Variants in RPTOR observed in about 807,000 individuals in gnomAD.
RPTOR encodes the protein regulatory associated protein of MTOR complex 1.
In RPTOR, 21 loss-of-function variants were observed where a neutral mutation model predicts 169.9. That is an observed-to-expected ratio of 0.12 (90% CI 0.09 to 0.18). The LOEUF (loss-of-function observed/expected upper bound fraction) is 0.18, where lower values mean the gene tolerates loss of function less well. Ranked by LOEUF, RPTOR falls within the 10% of genes least tolerant of loss-of-function variation. The pLI, the probability that RPTOR is intolerant of heterozygous loss-of-function variation, is 1.00. For missense variants in RPTOR, 1,133 were observed against 1,855.9 expected, an observed-to-expected ratio of 0.61 and a Z score of 7.16; for synonymous variants, 732 against 753.2, an observed-to-expected ratio of 0.97 and a Z score of 0.46.
Position 80,665,982 on chromosome 17 carries a change from G to A in RPTOR, c.348+22172G>A, listed in dbSNP as rs545358948. Among the ~76,000 whole-genome samples the A allele has an allele frequency of 1.8e-4, 28 of 152,306 alleles. No individual in the cohort carries two copies. The East Asian group carries it at 2.7e-3, about 15-fold the overall frequency. The stretch of plus-strand genomic sequence containing the variant: ...CTCTCCCTCCCATCTGCCTGTGCCC[G>A]TGTATCCTGCGTCTGTTGTGAAATG... On this transcript the variant is annotated intron_variant, in intron 3 of 33. Transcript: ENST00000306801.
chr17:80,919,380 A>G (rs1028947432), intron 21 of RPTOR, among the ~76,000 whole-genome samples: 2 of 152,190 alleles, frequency 1.3e-5, no homozygotes, highest in African/African-American at 2.4e-5. Flanking sequence ...TTTCTCACAC[A>G]TGAATCCAGA....
intron 3 of RPTOR, among the ~76,000 whole-genome samples, chr17:80,688,490 T>C (rs2065965858): frequency 6.6e-6 from 1 of 152,212 alleles, no homozygotes; most frequent in South Asian, 2.1e-4. Flanking sequence ...CTCTGTGTTC[T>C]TGACTTTTCC....
Position 80,874,809 on chromosome 17 carries a change from G to A in RPTOR, c.1510-5606G>A, listed in dbSNP as rs538254044. ...TTCCCCGGTAGCATCCTCACGTTAC[G>A]GTAACACACCACCGAAGGCTCACTC... On this transcript the variant is annotated intron_variant, in intron 13 of 33. Coordinates refer to ENST00000306801, the MANE Select transcript of RPTOR (RefSeq NM_020761.3). Among the ~76,000 whole-genome samples, 12 of 152,004 alleles carry A rather than the reference G, an allele frequency of 7.9e-5. No homozygotes were observed. In the South Asian group the frequency reaches 1.0e-3, roughly 13 times the overall value.
At chr17:80,869,263 G>A (rs534191108) in intron 13 of RPTOR, among the ~76,000 whole-genome samples, 106 of 152,162 alleles carry the variant, frequency 7.0e-4, no homozygotes, top group Admixed American at 1.1e-3. Flanking sequence ...GGGTTCAAGC[G>A]ATTCTCCTGC....
intron 9 of RPTOR, among the ~76,000 whole-genome samples, chr17:80,827,485 G>A (rs2067457299): frequency 2.0e-5 from 3 of 152,222 alleles, no homozygotes; most frequent in African/African-American, 7.2e-5. Flanking sequence ...CAGAGCCAGC[G>A]CAGGAGCCGG....
chr17:80,729,822 C>T (rs570914372), intron 4 of RPTOR, among the ~76,000 whole-genome samples: 7 of 152,240 alleles, frequency 4.6e-5, no homozygotes, highest in South Asian at 2.1e-4. Context: ...GTGAAGAGCA[C>T]GTGTGTGAGA....
At chr17:80,910,020 C>G (rs749027972) in intron 21 of RPTOR, among the ~76,000 whole-genome samples, 2 of 152,150 alleles carry the variant, frequency 1.3e-5, no homozygotes, top group Non-Finnish European at 2.9e-5. Context: ...GCTGTTTTTT[C>G]TCTGCCTCAT....
chr17:80,843,794 C>T (rs749866168), intron 10 of RPTOR, among the ~76,000 whole-genome samples: 3 of 152,298 alleles, frequency 2.0e-5, no homozygotes, highest in African/African-American at 4.8e-5. Context: ...GAAGTCCAGC[C>T]GGACGGGCTC....
chr17:80,859,074 G>A (rs572350900), intron 13 of RPTOR, among the ~76,000 whole-genome samples: 5 of 152,286 alleles, frequency 3.3e-5, no homozygotes, highest in African/African-American at 1.2e-4. Context: ...TGGGAGAGGC[G>A]ACTCGGGCTG....
chr17:80,895,875 G>T (rs1054460944), intron 20 of RPTOR, among the ~76,000 whole-genome samples: 1 of 152,164 alleles, frequency 6.6e-6, no homozygotes, highest in African/African-American at 2.4e-5. Flanking sequence ...TTACAGACTC[G>T]CCTTGTGTCG....
intron 6 of RPTOR, among the ~76,000 whole-genome samples, chr17:80,775,723 T>C (rs2066886271): frequency 6.6e-6 from 1 of 152,220 alleles, no homozygotes; most frequent in South Asian, 2.1e-4. Flanking sequence ...TTTGCTATCT[T>C]TTAATTTATT....
intron 1 of RPTOR, among the ~76,000 whole-genome samples, chr17:80,551,864 A>C (rs2084349774): frequency 3.3e-5 from 5 of 151,896 alleles, no homozygotes; most frequent in Non-Finnish European, 5.9e-5. Context: ...TCCTAGGCAG[A>C]GGTCCCTGTG....
chr17:80,773,517 G>T lies in RPTOR; in HGVS notation c.831-17933G>T, dbSNP rs189378785. On this transcript the variant is annotated intron_variant, in intron 6 of 33. Coordinates refer to ENST00000306801, the MANE Select transcript of RPTOR (RefSeq NM_020761.3). ...GTTGGACTTAAAGTTTGTTGGAAAG[G>T]CCCTTCCTTTATTTTGATTTGTGCC... Among the ~76,000 whole-genome samples, 265 of 152,248 alleles carry T rather than the reference G, an allele frequency of 1.7e-3. 1 individual carries two copies. The highest frequency in any genetic ancestry group is 6.2e-3 in the African/African-American group (256 of 41,544).
chr17:80,644,208 A>T (rs528586802), intron 3 of RPTOR, among the ~76,000 whole-genome samples: 1 of 152,334 alleles, frequency 6.6e-6, no homozygotes, highest in South Asian at 2.1e-4. Flanking sequence ...GTTGAGAAAA[A>T]AACACCCAAC....
chr17:80,700,664 G>GTGATGGTGATGGTAGAGA (rs1567864525), intron 3 of RPTOR, among the ~76,000 whole-genome samples: 4 of 5,856 alleles, frequency 6.8e-4, no homozygotes, highest in Admixed American at 2.7e-3. Context: ...AGAGATGATG[G>GTGATGGTGATGGTAGAGA]TGATGGTGAT....
chr17:80,626,755 A>C (rs2065398090), intron 2 of RPTOR, among the ~76,000 whole-genome samples: 2 of 147,720 alleles, frequency 1.4e-5, no homozygotes, highest in Non-Finnish European at 3.0e-5. Flanking sequence ...AAACATAGAC[A>C]ACACAAAATA....
At chr17:80,673,821 T>C (rs2065840562) in intron 3 of RPTOR, among the ~76,000 whole-genome samples, 2 of 152,228 alleles carry the variant, frequency 1.3e-5, no homozygotes, top group Non-Finnish European at 2.9e-5. Flanking sequence ...GAAAGTTTGC[T>C]CAACTGTAAT....
chr17:80,587,520 A>G (rs1434882015), intron 1 of RPTOR, among the ~76,000 whole-genome samples: 1 of 152,108 alleles, frequency 6.6e-6, no homozygotes, highest in African/African-American at 2.4e-5. Flanking sequence ...TAGGAGTGGA[A>G]TTGCGTAGTA....
In RPTOR at chr17:80,966,259, A is replaced by T. The variant is rs1367742132; in HGVS notation, c.*1929A>T. On this transcript the variant is annotated 3_prime_UTR_variant, in exon 34 of 34. Transcript: ENST00000306801. ...CGAGAGAGCGCCGGCCTAGAGGCTC[A>T]TTATCTATTTATTTTACCAAACGCG... is the stretch of plus-strand genomic sequence containing the variant. 1 of 232,726 alleles carries T rather than the reference A, an allele frequency of 4.3e-6. No individual in the cohort carries two copies. Among genetic ancestry groups the T allele is most frequent in the African/African-American group, 2.2e-5 (1 of 45,304 alleles). 14.4% of individuals were successfully genotyped at this position (232,726 alleles called of 1,614,324 possible).
Sources: allele counts gnomAD v4.1 joint callset (sites outside exome capture counted in the v4.1 genomes callset), GRCh38; gene constraint gnomAD v4.1.1; transcripts MANE v1.5; gene names NCBI Gene and HGNC (gene_info 2026-07-23, HGNC 2026-07-21).